GPC5: variants seen among roughly 807,000 people sequenced by gnomAD.
The protein encoded by GPC5 is glypican 5.
A neutral mutation model predicts 53.9 loss-of-function variants in GPC5; 47 were observed. The ratio of observed to expected loss-of-function variants is 0.87; its 90% CI spans 0.69 to 1.11. GPC5 has a LOEUF of 1.11. Ranked by LOEUF, GPC5 falls within the 50% of genes most tolerant of loss-of-function variation. The pLI, the probability that GPC5 is intolerant of heterozygous loss-of-function variation, is 0.00. For missense variants in GPC5, 748 were observed against 713.1 expected (o/e 1.05, Z -0.56); for synonymous variants, 286 against 263.3 (o/e 1.09, Z -0.84).
At chr13:91,432,879 T>C (rs1230292273) in intron 1 of GPC5, among the ~76,000 whole-genome samples, 1 of 152,194 alleles carries the variant, frequency 6.6e-6, no homozygotes, top group African/African-American at 2.4e-5. Flanking sequence ...CTTATATATA[T>C]TTAAAATGAT....
At chr13:92,089,232 A>G (rs2041359323) in intron 6 of GPC5, among the ~76,000 whole-genome samples, 1 of 152,172 alleles carries the variant, frequency 6.6e-6, no homozygotes, top group African/African-American at 2.4e-5. Flanking sequence ...CAGGAGATGG[A>G]GACTATCCTG....
intron 5 of GPC5, among the ~76,000 whole-genome samples, chr13:91,855,925 T>C (rs916122597): frequency 1.3e-5 from 2 of 151,578 alleles, no homozygotes; most frequent in African/African-American, 4.8e-5. Context: ...TAAATCAAGA[T>C]ACAGAATATT....
intron 6 of GPC5, among the ~76,000 whole-genome samples, chr13:92,143,292 G>A (rs901337699): frequency 3.9e-5 from 6 of 151,916 alleles, no homozygotes; most frequent in African/African-American, 1.5e-4. Flanking sequence ...AATAACAAAT[G>A]ATAACTGGTG....
At chr13:92,755,517 T>C (rs1874821239) in intron 7 of GPC5, among the ~76,000 whole-genome samples, 1 of 151,852 alleles carries the variant, frequency 6.6e-6, no homozygotes, top group Non-Finnish European at 1.5e-5. Context: ...CAAAAAACCC[T>C]TCAAAAAATC....
chr13:92,046,946 AG>A (rs2138832410), intron 6 of GPC5, among the ~76,000 whole-genome samples: 1 of 152,298 alleles, frequency 6.6e-6, no homozygotes, highest in African/African-American at 2.4e-5. Flanking sequence ...AATATTTACA[AG>A]TAATATTCAA....
intron 7 of GPC5, among the ~76,000 whole-genome samples, chr13:92,472,596 C>T (rs1274563508): frequency 6.6e-6 from 1 of 151,998 alleles, no homozygotes; most frequent in Non-Finnish European, 1.5e-5. Context: ...CTTTACAACA[C>T]CTAAGTAGTT....
At chr13:91,569,707 A>G (rs2138984067) in intron 2 of GPC5, among the ~76,000 whole-genome samples, 1 of 152,272 alleles carries the variant, frequency 6.6e-6, no homozygotes, top group South Asian at 2.1e-4. Flanking sequence ...TTGGGAAGTG[A>G]TTAAGTCAAG....
chr13:92,152,798 C>T (rs1243811385), intron 7 of GPC5, among the ~76,000 whole-genome samples: 2 of 149,976 alleles, frequency 1.3e-5, no homozygotes, highest in African/African-American at 4.9e-5. Context: ...GTGGTAGATA[C>T]AGTTATACAC....
At chr13:91,612,569 C>G (rs868341828) in intron 2 of GPC5, among the ~76,000 whole-genome samples, 16 of 152,238 alleles carry the variant, frequency 1.1e-4, no homozygotes, top group African/African-American at 3.6e-4. Context: ...AAAGGGGAAT[C>G]TACGATGTTA....
chr13:91,772,434 G>T (rs2037640381), intron 5 of GPC5, among the ~76,000 whole-genome samples: 1 of 152,102 alleles, frequency 6.6e-6, no homozygotes, highest in Admixed American at 6.6e-5. Flanking sequence ...ATTCAGGAAT[G>T]TTATTGTCAG....
At position 92,691,569 on chromosome 13, in the gene GPC5, T is replaced by A. The variant is rs373422498; in HGVS notation, c.1562-174713T>A. ...GAGCTGTAGACCGGAGCTGTTCCTA[T>A]TCGGCCATCTTGGCTCCTCCCTCAA... On this transcript the variant is annotated intron_variant, in intron 7 of 7. Coordinates refer to ENST00000377067, the MANE Select transcript of GPC5 (RefSeq NM_004466.6). Among the ~76,000 whole-genome samples the A allele has an allele frequency of 4.6e-4, 70 of 152,248 alleles. No individual in the cohort carries two copies. In the East Asian group the frequency reaches 9.7e-3, roughly 21 times the overall value.
chr13:92,583,923 C>A (rs1396116352), intron 7 of GPC5, among the ~76,000 whole-genome samples: 4 of 152,124 alleles, frequency 2.6e-5, no homozygotes, highest in Non-Finnish European at 5.9e-5. Context: ...TCTCTCTCTG[C>A]CTGCTGCCAT....
At chr13:92,794,008 G>T (rs1876563693) in intron 7 of GPC5, among the ~76,000 whole-genome samples, 1 of 152,050 alleles carries the variant, frequency 6.6e-6, no homozygotes, top group Admixed American at 6.6e-5. Context: ...TACAGAAAAA[G>T]AAAGAATCCT....
intron 7 of GPC5, among the ~76,000 whole-genome samples, chr13:92,760,481 C>T (rs1313853858): frequency 1.3e-5 from 2 of 152,028 alleles, no homozygotes; most frequent in Non-Finnish European, 2.9e-5. Flanking sequence ...ATAATAGTCT[C>T]TTATGATCCT....
intron 7 of GPC5, among the ~76,000 whole-genome samples, chr13:92,234,218 C>G (rs369488228): frequency 6.6e-6 from 1 of 152,214 alleles, no homozygotes; most frequent in East Asian, 1.9e-4. Flanking sequence ...GTTCTAGATC[C>G]CTGAGGAATC....
intron 5 of GPC5, among the ~76,000 whole-genome samples, chr13:91,774,810 A>G (rs557452403): frequency 1.3e-5 from 2 of 152,272 alleles, no homozygotes; most frequent in East Asian, 3.9e-4. Context: ...TCCTGGTGGG[A>G]TCAGAGGAGA....
chr13:92,469,316 C>A (rs916123335), intron 7 of GPC5, among the ~76,000 whole-genome samples: 2 of 152,010 alleles, frequency 1.3e-5, no homozygotes, highest in African/African-American at 4.8e-5. Context: ...TTAAGTAATT[C>A]TCTGCCTCAA....
chr13:92,745,127 T>A (rs2139317120), intron 7 of GPC5, among the ~76,000 whole-genome samples: 1 of 152,270 alleles, frequency 6.6e-6, no homozygotes, highest in East Asian at 1.9e-4. Context: ...TTTCAAATTT[T>A]AGCCCAAAAT....
At chr13:91,736,445 T>G (rs1164955154) in intron 4 of GPC5, among the ~76,000 whole-genome samples, 1 of 151,410 alleles carries the variant, frequency 6.6e-6, no homozygotes, top group Admixed American at 6.6e-5. Flanking sequence ...ATCTTTTTTT[T>G]GCCATCTCAT....
Sources: allele counts gnomAD v4.1 joint callset (sites outside exome capture counted in the v4.1 genomes callset), GRCh38; gene constraint gnomAD v4.1.1; transcripts MANE v1.5; gene names NCBI Gene and HGNC (gene_info 2026-07-23, HGNC 2026-07-21).